PRIM2: variants seen among roughly 807,000 people sequenced by gnomAD.
PRIM2 encodes DNA primase large subunit.
PRIM2 carries 39 observed loss-of-function variants against 67.3 expected under a neutral mutation model. That is an observed-to-expected ratio of 0.58 (90% CI 0.45 to 0.76). The LOEUF is 0.76. Ranked by LOEUF, PRIM2 falls within the 30% of genes least tolerant of loss-of-function variation. The probability of loss-of-function intolerance (pLI) is 0.00; values close to 1 mark genes in which losing one functional copy is unlikely to be tolerated. For missense variants in PRIM2, 398 were observed against 598.7 expected (o/e 0.66, Z 3.50); for synonymous variants, 143 against 198.7 (o/e 0.72, Z 2.36).
chr6:57,234,190 C>G, the PRIM2 span, among the ~76,000 whole-genome samples: 1 of 152,066 alleles, frequency 6.6e-6, no homozygotes, highest in Non-Finnish European at 1.5e-5. Flanking sequence ...TCTGGATTCA[C>G]TGAATTTCAA....
At chr6:57,521,366 G>GTTT (rs1774615323) in intron 8 of PRIM2, among the ~76,000 whole-genome samples, 5 of 76,624 alleles carry the variant, frequency 6.5e-5, no homozygotes, top group Non-Finnish European at 1.3e-4. Flanking sequence ...ATGTGGTTAG[G>GTTT]GTTTTTTTTT....
intron 8 of PRIM2, among the ~76,000 whole-genome samples, chr6:57,519,302 T>C (rs1774557740): frequency 6.6e-6 from 1 of 152,212 alleles, no homozygotes; most frequent in African/African-American, 2.4e-5. Flanking sequence ...CCAAAATTTA[T>C]TAGGCAGGAA....
chr6:57,619,251 A>G (rs1451796093), intron 12 of PRIM2, among the ~76,000 whole-genome samples: 1 of 152,180 alleles, frequency 6.6e-6, no homozygotes, highest in East Asian at 1.9e-4. Context: ...CACCCTGTGC[A>G]CTAGAATCTG....
chr6:57,606,829 A>G (rs1776571224), intron 12 of PRIM2, among the ~76,000 whole-genome samples: 1 of 152,220 alleles, frequency 6.6e-6, no homozygotes, highest in African/African-American at 2.4e-5. Flanking sequence ...TCATTTTGGG[A>G]AATTGTTTTC....
At chr6:57,261,980 A>T in the PRIM2 span, among the ~76,000 whole-genome samples, 3 of 152,150 alleles carry the variant, frequency 2.0e-5, no homozygotes, top group Non-Finnish European at 4.4e-5. Flanking sequence ...AAGTCCCTTC[A>T]TTTGAACAAT....
chr6:57,417,497 A>T (rs1229286682), intron 7 of PRIM2, among the ~76,000 whole-genome samples: 1 of 152,168 alleles, frequency 6.6e-6, no homozygotes, highest in Non-Finnish European at 1.5e-5. Flanking sequence ...GGCCATTGTG[A>T]GTTACTAATT....
chr6:57,287,395 G>A, the PRIM2 span, among the ~76,000 whole-genome samples: 1 of 152,200 alleles, frequency 6.6e-6, no homozygotes, highest in African/African-American at 2.4e-5. Context: ...TAAAGAAAAT[G>A]TGGCACATAT....
Position 57,556,306 on chromosome 6 carries a change from T to C in PRIM2, c.1020+18681T>C, listed in dbSNP as rs1394234603. ...TAGAAAAACTATTTTAAAATTCGTA[T>C]GGAACCAAAAAGGCCTTAGTAGCCA... On this transcript the variant is annotated intron_variant, in intron 10 of 13. Transcript: ENST00000615550. Among the ~76,000 whole-genome samples the C allele has an allele frequency of 2.0e-5, 3 of 152,140 alleles. No homozygotes were observed. In the East Asian group the frequency reaches 5.8e-4, roughly 29 times the overall value.
Position 57,488,868 on chromosome 6 carries a change from A to C in PRIM2, c.694-18519A>C, listed in dbSNP as rs1215009135. ...CCCTCATCCCCTCGTGCTACAGATGAACAACCCTGTTCTCTCCTTGCCAGA... is the reference window on the plus strand; with the variant it reads ...CCCTCATCCCCTCGTGCTACAGATGCACAACCCTGTTCTCTCCTTGCCAGA... On this transcript the variant is annotated intron_variant, in intron 7 of 13. Transcript: ENST00000615550. 6.6e-5 allele frequency among the ~76,000 whole-genome samples: 10 copies of C among 152,218 alleles called. No homozygotes were observed. In the South Asian group the frequency reaches 2.1e-3, roughly 31 times the overall value.
At chr6:57,252,094 T>C in the PRIM2 span, among the ~76,000 whole-genome samples, 1 of 152,262 alleles carries the variant, frequency 6.6e-6, no homozygotes, top group Non-Finnish European at 1.5e-5. Context: ...AATCACAATA[T>C]AATGCTGACT....
At chr6:57,386,291 G>A (rs1770145252) in intron 7 of PRIM2, among the ~76,000 whole-genome samples, 2 of 151,688 alleles carry the variant, frequency 1.3e-5, no homozygotes, top group South Asian at 4.2e-4. Flanking sequence ...GGTGGCATGT[G>A]CCCGTAGTCC....
chr6:57,466,851 G>A (rs1203356852), intron 7 of PRIM2, among the ~76,000 whole-genome samples: 1 of 152,168 alleles, frequency 6.6e-6, no homozygotes, highest in East Asian at 1.9e-4. Flanking sequence ...TGGGCGCAGT[G>A]GCTCACGCCT....
At chr6:57,457,598 A>G (rs1488209595) in intron 7 of PRIM2, among the ~76,000 whole-genome samples, 2 of 152,270 alleles carry the variant, frequency 1.3e-5, no homozygotes, top group East Asian at 3.9e-4. Flanking sequence ...GGCGTGGGAT[A>G]TAATCTCTTG....
At chr6:57,489,927 G>GT (rs1157953922) in intron 7 of PRIM2, among the ~76,000 whole-genome samples, 12,234 of 127,558 alleles carry the variant, frequency 0.096, 777 homozygotes, top group African/African-American at 0.21. Context: ...TGTTTTAAGT[G>GT]TTTTTTTTTT....
At chr6:57,589,165 T>A (rs1776243511) in intron 10 of PRIM2, among the ~76,000 whole-genome samples, 1 of 152,186 alleles carries the variant, frequency 6.6e-6, no homozygotes. Flanking sequence ...GATAAGTTGA[T>A]TTAAATCAGG....
intron 10 of PRIM2, among the ~76,000 whole-genome samples, chr6:57,595,045 GA>G (rs1776342016): frequency 6.6e-6 from 1 of 152,162 alleles, no homozygotes; most frequent in African/African-American, 2.4e-5. Flanking sequence ...AGTCATCAGG[GA>G]AATGCAAAGT....
chr6:57,503,777 T>A (rs1363341064), intron 7 of PRIM2, among the ~76,000 whole-genome samples: 2 of 151,726 alleles, frequency 1.3e-5, no homozygotes, highest in Non-Finnish European at 2.9e-5. Context: ...GAAGGAACTA[T>A]GTTGTGGTCA....
intron 12 of PRIM2, among the ~76,000 whole-genome samples, chr6:57,627,279 CAAA>C (rs1158722297): frequency 2.9e-4 from 7 of 24,534 alleles, no homozygotes; most frequent in African/African-American, 5.8e-4. Context: ...GACTCTGTCT[CAAA>C]AAAAAAAAAA....
chr6:57,645,041 A>G (rs1376565346), intron 13 of PRIM2, among the ~76,000 whole-genome samples: 13 of 152,310 alleles, frequency 8.5e-5, no homozygotes, highest in South Asian at 2.1e-4. Context: ...AAAAAGACCA[A>G]GGAAAGGCCA....
Sources: gnomAD v4.1 joint callset for allele counts (sites outside exome capture counted in the v4.1 genomes callset) on GRCh38, gnomAD v4.1.1 for gene constraint, MANE v1.5 for transcripts, NCBI Gene and HGNC (gene_info 2026-07-23, HGNC 2026-07-21) for gene names.